Variants in CFAP57 observed in about 807,000 individuals in gnomAD.
The protein encoded by CFAP57 is cilia- and flagella-associated protein 57.
In CFAP57, 116 loss-of-function variants were observed where a neutral mutation model predicts 146.8. The observed-to-expected ratio is 0.79, with a 90% confidence interval of 0.68 to 0.92. The LOEUF is 0.92. Among genes scored for constraint, CFAP57 ranks in the 40% least tolerant of loss-of-function variants. The pLI, the probability that CFAP57 is intolerant of heterozygous loss-of-function variation, is 0.00. For missense variants in CFAP57, 1,377 were observed against 1,527.2 expected (o/e 0.90, Z 1.64); for synonymous variants, 518 against 552.8 (o/e 0.94, Z 0.88).
intron 9 of CFAP57, 46 bp downstream of exon 9, chr1:43,199,549 A>G (rs1644023041): frequency 6.4e-7 from 1 of 1,559,740 alleles, no homozygotes; most frequent in Non-Finnish European, 8.8e-7. Flanking sequence ...CACGGAGCCA[A>G]GTATGCCGCC....
chr1:43,176,182 C>A (rs1214322176), intron 2 of CFAP57, among the ~76,000 whole-genome samples: 1 of 152,126 alleles, frequency 6.6e-6, no homozygotes, highest in African/African-American at 2.4e-5. Context: ...GAAGAAACCC[C>A]CAATGTTGGT....
intron 9 of CFAP57, among the ~76,000 whole-genome samples, chr1:43,200,952 A>T (rs1644096369): frequency 6.6e-6 from 1 of 152,204 alleles, no homozygotes; most frequent in African/African-American, 2.4e-5. Flanking sequence ...GGAGTGATGG[A>T]GAGCAGTTAG....
At chr1:43,173,029 A>G in intron 2 of CFAP57, 119 bp downstream of exon 2, 1 of 860,114 alleles carries the variant, frequency 1.2e-6, no homozygotes, top group East Asian at 2.5e-5. Context: ...ATGCAGTATT[A>G]TAAATGTAGA....
intron 22 of CFAP57, among the ~76,000 whole-genome samples, chr1:43,253,267 C>T (rs2124700789): frequency 6.6e-6 from 1 of 152,328 alleles, no homozygotes; most frequent in East Asian, 1.9e-4. Flanking sequence ...GTTCTCAGTT[C>T]AGTCCAAGAT....
rs61706131 is a variant in CFAP57, at chr1:43,191,662, A to ATT, written c.1122+4811_1122+4812dup. ...TTAATATGATTTTCCTCCTCCCCCC[A>ATT]TTTTTTTTTATCTCTTTAAAGAATC... is the stretch of plus-strand genomic sequence containing the variant. On this transcript the variant is annotated intron_variant, in intron 6 of 22. Coordinates refer to ENST00000372492, the MANE Select transcript of CFAP57 (RefSeq NM_001378189.1). Among the ~76,000 whole-genome samples the ATT allele has an allele frequency of 9.1e-5, 13 of 143,448 alleles. No homozygotes were observed. In the South Asian group the frequency reaches 1.3e-3, roughly 14 times the overall value. The allele number at this position is 143,448 out of a possible 152,430, so 94.1% of individuals were successfully genotyped here.
intron 19 of CFAP57, among the ~76,000 whole-genome samples, chr1:43,234,044 A>G (rs1252850824): frequency 2.6e-5 from 4 of 152,266 alleles, no homozygotes; most frequent in Non-Finnish European, 5.9e-5. Flanking sequence ...AGCCCCATGT[A>G]GGCTGTTCAG....
chr1:43,199,781 T>G (rs766733942), intron 9 of CFAP57, among the ~76,000 whole-genome samples: 16 of 151,376 alleles, frequency 1.1e-4, no homozygotes, highest in African/African-American at 1.5e-4. Flanking sequence ...TAAGAGTGAG[T>G]AGGAGTTAAT....
intron 11 of CFAP57, among the ~76,000 whole-genome samples, chr1:43,213,719 T>C (rs1644722679): frequency 6.6e-6 from 1 of 152,188 alleles, no homozygotes; most frequent in Non-Finnish European, 1.5e-5. Context: ...CAGAATCTGT[T>C]ATTTGTTGTC....
chr1:43,175,755 C>T (rs543589568), intron 2 of CFAP57, among the ~76,000 whole-genome samples: 1 of 151,630 alleles, frequency 6.6e-6, no homozygotes, highest in East Asian at 1.9e-4. Context: ...ATCCTCCCAC[C>T]TCAGCCTCCC....
intron 21 of CFAP57, among the ~76,000 whole-genome samples, chr1:43,241,173 C>T (rs1307396644): frequency 2.0e-5 from 3 of 152,126 alleles, no homozygotes; most frequent in African/African-American, 7.2e-5. Context: ...CTTGCAGGAA[C>T]GAATAGAACA....
intron 6 of CFAP57, among the ~76,000 whole-genome samples, chr1:43,197,281 C>G (rs7526037): frequency 1.3e-5 from 2 of 151,918 alleles, no homozygotes; most frequent in Non-Finnish European, 2.9e-5. Context: ...GGTGTGAACC[C>G]GGGAGGCGGA....
intron 22 of CFAP57, among the ~76,000 whole-genome samples, chr1:43,245,062 C>A (rs1646063143): frequency 6.6e-6 from 1 of 152,198 alleles, no homozygotes; most frequent in Non-Finnish European, 1.5e-5. Flanking sequence ...GTAATCCCAG[C>A]ACTTTGGGAG....
At chr1:43,236,314 C>T (rs899806559) in intron 21 of CFAP57, among the ~76,000 whole-genome samples, 1 of 152,026 alleles carries the variant, frequency 6.6e-6, no homozygotes, top group African/African-American at 2.4e-5. Flanking sequence ...CAGAAAGAGA[C>T]TGCTTGCTGC....
At chr1:43,233,552 G>A (rs888790269) in intron 19 of CFAP57, among the ~76,000 whole-genome samples, 41 of 152,082 alleles carry the variant, frequency 2.7e-4, no homozygotes, top group African/African-American at 9.4e-4. Flanking sequence ...CTCTGCACTA[G>A]GTAACACCAG....
intron 1 of CFAP57, 110 bp downstream of exon 1, chr1:43,172,563 G>GGCGGAGGGGAAA: frequency 1.3e-6 from 1 of 769,796 alleles, no homozygotes; most frequent in Non-Finnish European, 2.0e-6. Flanking sequence ...GGAGGACCCC[G>GGCGGAGGGGAAA]GGGGAGGGGA....
chr1:43,232,449 A>G, intron 18 of CFAP57, 59 bp from the exon 19 acceptor site: 1 of 1,435,510 alleles, frequency 7.0e-7, no homozygotes, highest in South Asian at 1.2e-5. Context: ...ACAGTTCTCA[A>G]ATACAGTTTT....
intron 19 of CFAP57, among the ~76,000 whole-genome samples, chr1:43,233,051 G>T (rs1357241069): frequency 6.6e-6 from 1 of 152,166 alleles, no homozygotes; most frequent in African/African-American, 2.4e-5. Flanking sequence ...CCAAAAATTG[G>T]GAGGTTAAGA....
intron 21 of CFAP57, 66 bp downstream of exon 21, chr1:43,234,704 G>T: frequency 2.0e-6 from 3 of 1,494,624 alleles, no homozygotes; most frequent in Non-Finnish European, 2.7e-6. Flanking sequence ...TCCCATCAAG[G>T]GTCCCTCTGA....
Position 43,234,531 on chromosome 1 carries a change from G to T in CFAP57, c.3298G>T (p.Glu1100Ter). The change falls in exon 21 of 23, where the codon GAG (glutamate) becomes TAG (stop). Residue 1100 changes from glutamate to a stop codon, truncating the protein, a stop_gained. Transcript: ENST00000372492. LOFTEE classifies it high-confidence loss of function. ...IAGLNTDLQQ[E>*]YTRQREHLER... ...AGGGCTGAACACAGACCTGCAGCAG[G>T]AGTACACCCGGCAGCGGGAGCACCT... 1.3e-6 allele frequency: 2 copies of T among 1,550,394 alleles called. No individual in the cohort carries two copies. Among genetic ancestry groups the T allele is most frequent in the Non-Finnish European group, 1.7e-6 (2 of 1,146,896 alleles).
Sources: allele counts gnomAD v4.1 joint callset (sites outside exome capture counted in the v4.1 genomes callset), GRCh38; gene constraint gnomAD v4.1.1; transcripts MANE v1.5; gene names NCBI Gene and HGNC (gene_info 2026-07-23, HGNC 2026-07-21).